The following LRGUK variants were observed in gnomAD, a reference collection of about 807,000 sequenced individuals.
LRGUK encodes leucine rich repeats and guanylate kinase domain containing.
In LRGUK, 65 loss-of-function variants were observed where a neutral mutation model predicts 76.0. The ratio of observed to expected loss-of-function variants is 0.85; its 90% CI spans 0.70 to 1.05. The LOEUF is 1.05. LRGUK is among the 50% of genes least tolerant of loss of function. The pLI is 0.00. For synonymous variants in LRGUK, 268 were observed against 265.6 expected (o/e 1.01, Z -0.09); for missense variants, 758 against 732.8 (o/e 1.03, Z -0.40).
At chr7:134,147,931 G>A (rs1336775876) in intron 4 of LRGUK, among the ~76,000 whole-genome samples, 1 of 151,608 alleles carries the variant, frequency 6.6e-6, no homozygotes, top group African/African-American at 2.4e-5. Flanking sequence ...TTGCGGTGGT[G>A]GGCACCTATA....
In LRGUK at chr7:134,144,694, CA is replaced by C. The variant is rs1279652823; in HGVS notation, c.588+1533del. Among the ~76,000 whole-genome samples the C allele has an allele frequency of 2.0e-5, 3 of 152,238 alleles. No homozygotes were observed. The East Asian group carries it at 5.8e-4, about 29-fold the overall frequency. ...AATCTGTTTGAAATCAAGAAACAGA[CA>C]TTCCCTTATACTGATGAGAGACCTT... On this transcript the variant is annotated intron_variant, in intron 4 of 15. Transcript: ENST00000645682.
chr7:134,252,359 A>AATTT (rs1211915771), intron 18 of LRGUK, among the ~76,000 whole-genome samples: 296 of 146,420 alleles, frequency 2.0e-3, no homozygotes, highest in African/African-American at 7.9e-3. Flanking sequence ...AAATTAAATT[A>AATTT]AATTAAATTA....
intron 5 of LRGUK, among the ~76,000 whole-genome samples, chr7:134,151,820 A>T (rs1241565673): frequency 6.6e-6 from 1 of 152,130 alleles, no homozygotes; most frequent in Non-Finnish European, 1.5e-5. Context: ...ACAGATATAG[A>T]CAATTTAATA....
rs1799401683 is a variant in LRGUK, at chr7:134,174,538, T to C, written c.940-18T>C. 7 of 1,514,550 alleles carry C rather than the reference T, an allele frequency of 4.6e-6. No homozygotes were observed. In the South Asian group the frequency reaches 8.0e-5, roughly 17 times the overall value. The allele number at this position is 1,514,550 out of a possible 1,614,324, so 93.8% of individuals were successfully genotyped here. A position where few individuals can be genotyped will look rare whatever the true frequency, so the allele number is the denominator to read the frequency against. On this transcript the variant is annotated intron_variant, in intron 7 of 15. Transcript: ENST00000645682. Reference sequence around the variant, plus strand: ...TGTGCATTTAGTCTGTTGATAATTTTTTTCTTTGATTGAACAGATTGCTGA... The same window carrying C: ...TGTGCATTTAGTCTGTTGATAATTTCTTTCTTTGATTGAACAGATTGCTGA...
At chr7:134,199,242 C>T (rs1298073969) in exon 14 of LRGUK, 3 of 1,613,676 alleles carry the variant, frequency 1.9e-6, no homozygotes, top group Admixed American at 3.3e-5. Context: ...TTGAAATATT[C>T]CTATTTTGAG....
At chr7:134,180,468 CA>C (rs1488178563) in intron 10 of LRGUK, among the ~76,000 whole-genome samples, 1 of 151,898 alleles carries the variant, frequency 6.6e-6, no homozygotes, top group Non-Finnish European at 1.5e-5. Flanking sequence ...ATTTTGATTC[CA>C]AAACTACAGT....
chr7:134,275,083 G>A, the LRGUK span, among the ~76,000 whole-genome samples: 1 of 151,756 alleles, frequency 6.6e-6, no homozygotes, highest in African/African-American at 2.4e-5. Flanking sequence ...AATTTGGAAG[G>A]TATATTTTTC....
At chr7:134,159,523 G>C (rs998563249) in intron 6 of LRGUK, among the ~76,000 whole-genome samples, 2 of 152,068 alleles carry the variant, frequency 1.3e-5, no homozygotes, top group Non-Finnish European at 2.9e-5. Flanking sequence ...GGGCGTGGTG[G>C]CTTGCGCCTG....
chr7:134,255,222 A>AACAC (rs66632170), intron 18 of LRGUK, among the ~76,000 whole-genome samples: 7,880 of 143,042 alleles, frequency 0.055, 266 homozygotes, highest in African/African-American at 0.097. Context: ...ATGTTATCTC[A>AACAC]ACACACACAC....
chr7:134,136,336 C>T (rs534141707), intron 1 of LRGUK, among the ~76,000 whole-genome samples: 1 of 152,274 alleles, frequency 6.6e-6, no homozygotes, highest in South Asian at 2.1e-4. Flanking sequence ...TTTTAAAAAT[C>T]TTATACATTT....
chr7:134,221,871 T>C, exon 16 of LRGUK: 1 of 1,598,488 alleles, frequency 6.3e-7, no homozygotes. Context: ...AGACAGAAAC[T>C]ACCTCATTAA....
At chr7:134,156,362 G>T (rs540324840) in intron 5 of LRGUK, among the ~76,000 whole-genome samples, 4 of 152,068 alleles carry the variant, frequency 2.6e-5, no homozygotes, top group Admixed American at 2.6e-4. Context: ...TGTGAATATG[G>T]TCTCCTAGCC....
exon 1 of LRGUK, chr7:134,127,346 C>T (rs769915664): frequency 6.4e-7 from 1 of 1,569,890 alleles, no homozygotes; most frequent in South Asian, 1.1e-5. Flanking sequence ...GGTCAGTCTC[C>T]TAGGCAACCC....
At chr7:134,197,173 G>A in intron 13 of LRGUK, 68 bp downstream of exon 13, 1 of 861,970 alleles carries the variant, frequency 1.2e-6, no homozygotes, top group Non-Finnish European at 1.9e-6. Flanking sequence ...GTGTATGTGT[G>A]TGTGTGTGTG....
intron 2 of LRGUK, among the ~76,000 whole-genome samples, chr7:134,137,504 C>A (rs1234680988): frequency 2.6e-5 from 4 of 151,960 alleles, no homozygotes; most frequent in African/African-American, 9.7e-5. Flanking sequence ...TATCTGAATC[C>A]AAGGGAACAA....
intron 18 of LRGUK, among the ~76,000 whole-genome samples, chr7:134,250,414 G>A (rs991566591): frequency 1.3e-5 from 2 of 151,926 alleles, no homozygotes; most frequent in East Asian, 1.9e-4. Flanking sequence ...TTCACCCCCC[G>A]TATTTTCAAC....
exon 1 of LRGUK, chr7:134,127,372 C>T (rs1447027514): frequency 1.9e-6 from 3 of 1,596,370 alleles, no homozygotes; most frequent in African/African-American, 2.7e-5. Flanking sequence ...AACAAGATGG[C>T]GACCTCCGAG....
intron 3 of LRGUK, among the ~76,000 whole-genome samples, chr7:134,140,394 C>G (rs1797720193): frequency 6.6e-6 from 1 of 152,132 alleles, no homozygotes; most frequent in South Asian, 2.1e-4. Flanking sequence ...AACTCTAACT[C>G]CACAATTTGT....
chr7:134,267,053 G>A (rs757002911), downstream of LRGUK, among the ~76,000 whole-genome samples: 45 of 152,082 alleles, frequency 3.0e-4, 1 homozygote, highest in Non-Finnish European at 5.1e-4. Context: ...CAGGTATGAA[G>A]GAGAAATCAA....
Sources: allele counts gnomAD v4.1 joint callset (sites outside exome capture counted in the v4.1 genomes callset), GRCh38; gene constraint gnomAD v4.1.1; transcripts MANE v1.5; gene names NCBI Gene and HGNC (gene_info 2026-07-23, HGNC 2026-07-21).